FBXL2: variants seen among roughly 807,000 people sequenced by gnomAD.
The protein encoded by FBXL2 is F-box/LRR-repeat protein 2.
FBXL2 carries 38 observed loss-of-function variants against 69.2 expected under a neutral mutation model. The ratio of observed to expected loss-of-function variants is 0.55; its 90% confidence interval spans 0.42 to 0.72. FBXL2 has a LOEUF of 0.72. FBXL2 is among the 30% of genes least tolerant of loss of function. The probability of loss-of-function intolerance (pLI) is 0.00; values close to 1 mark genes in which losing one functional copy is unlikely to be tolerated. For missense variants in FBXL2, 354 were observed against 520.3 expected (o/e 0.68, Z 3.11); for synonymous variants, 192 against 201.3 (o/e 0.95, Z 0.39).
At chr3:33,380,955 A>G (rs1028877793) in intron 13 of FBXL2, among the ~76,000 whole-genome samples, 1 of 152,184 alleles carries the variant, frequency 6.6e-6, no homozygotes. Flanking sequence ...TCATCTGTAA[A>G]AAGGGAATAA....
In FBXL2 at chr3:33,385,813, G is replaced by T; in HGVS notation, c.*205G>T. On this transcript the variant is annotated 3_prime_UTR_variant, in exon 15 of 15. Transcript: ENST00000484457. ...TGTGAAACAATCAAATCAAAGCCTT[G>T]TGTCAGTTAACACATGACAAGTGGT... 1.7e-6 allele frequency: 1 copy of T among 579,608 alleles called. No homozygotes were observed. The highest frequency in any genetic ancestry group is 3.1e-6 in the Non-Finnish European group (1 of 324,382). 35.9% of individuals were successfully genotyped at this position (579,608 alleles called of 1,614,324 possible).
intron 2 of FBXL2, among the ~76,000 whole-genome samples, chr3:33,352,540 T>C (rs965260092): frequency 3.3e-5 from 5 of 152,192 alleles, no homozygotes; most frequent in Admixed American, 2.0e-4. Context: ...AGAGAAAATA[T>C]TTGCCAAATG....
downstream of FBXL2, chr3:33,392,932 A>C: frequency 3.0e-6 from 1 of 336,304 alleles, no homozygotes; most frequent in Non-Finnish European, 5.3e-6. Flanking sequence ...ACTTGCCACC[A>C]ATCACTAGGG....
At chr3:33,375,986 G>A (rs1211756799) in intron 10 of FBXL2, among the ~76,000 whole-genome samples, 3 of 152,040 alleles carry the variant, frequency 2.0e-5, no homozygotes, top group South Asian at 2.1e-4. Context: ...GTGACACCTC[G>A]TCTCTACTAA....
At chr3:33,405,367 T>A (rs1173257681), downstream of FBXL2, among the ~76,000 whole-genome samples, 2 of 152,186 alleles carry the variant, frequency 1.3e-5, no homozygotes, top group East Asian at 3.8e-4. Flanking sequence ...TTCCATAGGA[T>A]GCACTTCAAG....
intron 1 of FBXL2, 119 bp from the exon 2 acceptor site, chr3:33,297,545 A>C: frequency 1.6e-6 from 1 of 622,478 alleles, no homozygotes; most frequent in South Asian, 1.9e-5. Context: ...GAAATTAGTC[A>C]CACCCTATTT....
intron 4 of FBXL2, among the ~76,000 whole-genome samples, chr3:33,360,770 A>G (rs1008170513): frequency 5.3e-5 from 8 of 152,120 alleles, no homozygotes; most frequent in Admixed American, 6.5e-5. Context: ...ATTTCTAAAA[A>G]TTGTAGTCAT....
chr3:33,394,563 C>T (rs533882210), intron 12 of FBXL2, among the ~76,000 whole-genome samples: 1 of 152,320 alleles, frequency 6.6e-6, no homozygotes, highest in Admixed American at 6.5e-5. Flanking sequence ...CAGCAGACAT[C>T]TGCACAGTGC....
At chr3:33,338,760 A>G (rs148539257) in intron 2 of FBXL2, among the ~76,000 whole-genome samples, 36 of 152,286 alleles carry the variant, frequency 2.4e-4, no homozygotes, top group Non-Finnish European at 4.0e-4. Context: ...TCCTTTTACT[A>G]TATACAAAAA....
chr3:33,340,919 AG>A (rs371200304), intron 2 of FBXL2, among the ~76,000 whole-genome samples: 23 of 145,840 alleles, frequency 1.6e-4, no homozygotes, highest in African/African-American at 5.1e-4. Flanking sequence ...AAAAAAAAAA[AG>A]AAGAGGAAGT....
At chr3:33,396,168 G>T (rs2043985365) in intron 12 of FBXL2, 1 of 1,578,284 alleles carries the variant, frequency 6.3e-7, no homozygotes, top group Admixed American at 1.7e-5. Context: ...CTACCATAGG[G>T]TGCCCCACTG....
At chr3:33,384,301 C>A in intron 14 of FBXL2, 100 bp downstream of exon 14, 1 of 1,169,472 alleles carries the variant, frequency 8.6e-7, no homozygotes, top group Non-Finnish European at 1.2e-6. Context: ...TGGCTCACGC[C>A]TGTAATCCCA....
At chr3:33,367,406 C>T (rs1575361328) in intron 5 of FBXL2, among the ~76,000 whole-genome samples, 1 of 152,256 alleles carries the variant, frequency 6.6e-6, no homozygotes, top group East Asian at 1.9e-4. Flanking sequence ...ATGTATAGAA[C>T]TCTTCAGATT....
intron 1 of FBXL2, among the ~76,000 whole-genome samples, chr3:33,296,715 A>G (rs913765558): frequency 1.3e-5 from 2 of 152,122 alleles, no homozygotes; most frequent in African/African-American, 4.8e-5. Context: ...TTATAATTTT[A>G]TTTTAGATTA....
At chr3:33,303,192 AT>A (rs2036435782) in intron 2 of FBXL2, 1 of 456,142 alleles carries the variant, frequency 2.2e-6, no homozygotes, top group Admixed American at 2.4e-5. Flanking sequence ...ACATGCTTCA[AT>A]TTCAAATTTA....
intron 2 of FBXL2, among the ~76,000 whole-genome samples, chr3:33,347,032 G>C (rs1051573883): frequency 1.2e-4 from 18 of 152,188 alleles, no homozygotes; most frequent in African/African-American, 4.3e-4. Context: ...TCACTCTGTT[G>C]TGCTATCAAA....
chr3:33,399,693 A>T (rs373394599), intron 12 of FBXL2, among the ~76,000 whole-genome samples: 2 of 152,222 alleles, frequency 1.3e-5, no homozygotes, highest in South Asian at 4.1e-4. Context: ...CAGGAGGGAG[A>T]TCCTTGTAGT....
At chr3:33,308,193 G>T (rs2036885686) in intron 2 of FBXL2, among the ~76,000 whole-genome samples, 1 of 151,982 alleles carries the variant, frequency 6.6e-6, no homozygotes, top group South Asian at 2.1e-4. Context: ...GCTTTTTCTG[G>T]TTTACTTCCT....
the FBXL2 span, chr3:33,412,699 G>A: frequency 6.9e-7 from 1 of 1,449,422 alleles, no homozygotes; most frequent in South Asian, 1.1e-5. Context: ...TCATCTCCAT[G>A]GTCTTTTGAT....
Sources: allele counts gnomAD v4.1 joint callset (sites outside exome capture counted in the v4.1 genomes callset), GRCh38; gene constraint gnomAD v4.1.1; transcripts MANE v1.5; gene names NCBI Gene and HGNC (gene_info 2026-07-23, HGNC 2026-07-21).